CEP128: variants seen among roughly 807,000 people sequenced by gnomAD.
CEP128 encodes centrosomal protein 128, also known as centrosomal protein 128kDa.
A neutral mutation model predicts 156.7 loss-of-function variants in CEP128; 132 were observed. The observed-to-expected ratio is 0.84, with a 90% CI of 0.73 to 0.97. CEP128 has a LOEUF of 0.97. Ranked by LOEUF, CEP128 falls within the 50% of genes least tolerant of loss-of-function variation. The pLI, the probability that CEP128 is intolerant of heterozygous loss-of-function variation, is 0.00. For synonymous variants in CEP128, 469 were observed against 448.9 expected (o/e 1.04, Z -0.57); for missense variants, 1,252 against 1,281.9 (o/e 0.98, Z 0.36).
downstream of CEP128, among the ~76,000 whole-genome samples, chr14:80,486,546 C>A (rs1013326074): frequency 9.9e-5 from 15 of 151,956 alleles, 1 homozygote; most frequent in Admixed American, 9.2e-4. Flanking sequence ...TCGAGAAGAG[C>A]AACTCCAAGA....
intron 8 of CEP128, among the ~76,000 whole-genome samples, chr14:80,868,435 A>T (rs1595522240): frequency 6.6e-6 from 1 of 152,184 alleles, no homozygotes; most frequent in Non-Finnish European, 1.5e-5. Flanking sequence ...TCATCAGCTT[A>T]AAATAGATTG....
chr14:80,887,898 G>T (rs1015152484), intron 8 of CEP128, among the ~76,000 whole-genome samples: 1 of 151,954 alleles, frequency 6.6e-6, no homozygotes, highest in Non-Finnish European at 1.5e-5. Context: ...TAATAAAGAA[G>T]AAAAGAGAGA....
Position 80,784,142 on chromosome 14 carries a change from T to G in CEP128, c.2211+753A>C, listed in dbSNP as rs140562284. ...CCTATTCAATAGATATTTACAATGT[T>G]CCAAAAAACTGTTGTAGGCACTGGG... On this transcript the variant is annotated intron_variant, in intron 15 of 24. Coordinates refer to ENST00000555265, the MANE Select transcript of CEP128 (RefSeq NM_152446.5). Among the ~76,000 whole-genome samples, 135 of 152,216 alleles carry G rather than the reference T, an allele frequency of 8.9e-4. 2 individuals carry two copies. The East Asian group carries it at 0.018, about 21-fold the overall frequency.
At chr14:80,537,969 G>GT (rs1889562816) in intron 21 of CEP128, among the ~76,000 whole-genome samples, 1 of 152,080 alleles carries the variant, frequency 6.6e-6, no homozygotes, top group African/African-American at 2.4e-5. Flanking sequence ...CTAAGCTTCC[G>GT]TATCTTATTT....
In CEP128 at chr14:80,761,622, T is replaced by A. The variant is rs199812257; in HGVS notation, c.2377-9A>T. 528 of 1,570,240 alleles carry A rather than the reference T, an allele frequency of 3.4e-4. 10 individuals carry two copies. In the South Asian group the frequency reaches 6.0e-3, roughly 18 times the overall value. On this transcript the variant is annotated splice_polypyrimidine_tract_variant and intron_variant, in intron 16 of 24. Transcript: ENST00000555265. ...ATGCTTATATGTTTTTCCTAAGGCATTGAAAGAAATTAAACAAGGTGATTA... is the reference window on the plus strand; with the variant it reads ...ATGCTTATATGTTTTTCCTAAGGCAATGAAAGAAATTAAACAAGGTGATTA...
At chr14:80,628,678 T>C (rs1321442240) in intron 19 of CEP128, among the ~76,000 whole-genome samples, 1 of 152,180 alleles carries the variant, frequency 6.6e-6, no homozygotes, top group Non-Finnish European at 1.5e-5. Context: ...ACCTGGTCAA[T>C]GAGAGTAACA....
intron 23 of CEP128, among the ~76,000 whole-genome samples, chr14:80,508,171 C>T (rs1379628628): frequency 6.6e-6 from 1 of 152,150 alleles, no homozygotes; most frequent in Admixed American, 6.5e-5. Flanking sequence ...CTGCCTTGGC[C>T]CCCCAAAGTG....
intron 19 of CEP128, among the ~76,000 whole-genome samples, chr14:80,672,700 C>T (rs894501268): frequency 6.6e-6 from 1 of 152,124 alleles, no homozygotes; most frequent in Non-Finnish European, 1.5e-5. Flanking sequence ...TTGAAAATTT[C>T]TTTGACTTCT....
intron 23 of CEP128, among the ~76,000 whole-genome samples, chr14:80,509,800 A>G (rs947616514): frequency 6.6e-6 from 1 of 152,278 alleles, no homozygotes; most frequent in South Asian, 2.1e-4. Flanking sequence ...TGAATTTTAT[A>G]TATGATAAGA....
chr14:80,776,404 C>T (rs1900791069), intron 16 of CEP128, among the ~76,000 whole-genome samples: 3 of 151,214 alleles, frequency 2.0e-5, no homozygotes, highest in Non-Finnish European at 2.9e-5. Context: ...AATTTAGCAA[C>T]ATAAGCACAT....
intron 2 of CEP128, among the ~76,000 whole-genome samples, chr14:80,922,431 G>A (rs147664062): frequency 8.5e-4 from 129 of 152,144 alleles, no homozygotes; most frequent in African/African-American, 2.8e-3. Flanking sequence ...TATTATTTTC[G>A]CTGTGTAGTT....
chr14:80,543,744 C>T (rs1566769459), intron 21 of CEP128, among the ~76,000 whole-genome samples: 1 of 152,200 alleles, frequency 6.6e-6, no homozygotes, highest in Non-Finnish European at 1.5e-5. Context: ...ATTCATTCAA[C>T]TGGACAACAA....
At chr14:80,821,771 A>G (rs1297437316) in intron 13 of CEP128, among the ~76,000 whole-genome samples, 1 of 151,152 alleles carries the variant, frequency 6.6e-6, no homozygotes, top group Non-Finnish European at 1.5e-5. Context: ...GGCCTCCCAG[A>G]CTCCAGTGAT....
In CEP128 at chr14:80,647,392, T is replaced by C. The variant is rs2140831325; in HGVS notation, c.2807-66969A>G. ...GCATTCTGTTCAGTACTTCAAATAG[T>C]CTAATAATTTTTTTTCTCAGAACCT... On this transcript the variant is annotated intron_variant, in intron 19 of 24. Coordinates refer to ENST00000555265, the MANE Select transcript of CEP128 (RefSeq NM_152446.5). 2.0e-5 allele frequency among the ~76,000 whole-genome samples: 3 copies of C among 152,080 alleles called. No homozygotes were observed. In the South Asian group the frequency reaches 6.2e-4, roughly 32 times the overall value.
intron 19 of CEP128, among the ~76,000 whole-genome samples, chr14:80,655,487 C>T (rs541898763): frequency 1.3e-5 from 2 of 152,272 alleles, no homozygotes; most frequent in East Asian, 3.9e-4. Flanking sequence ...GTATAATTCT[C>T]CTACTCTCTT....
intron 19 of CEP128, among the ~76,000 whole-genome samples, chr14:80,685,906 A>G (rs960224580): frequency 2.0e-5 from 3 of 152,160 alleles, no homozygotes; most frequent in Non-Finnish European, 4.4e-5. Context: ...GCTAGGCCAT[A>G]GGCAGAATAA....
chr14:80,671,506 C>G (rs1212321476), intron 19 of CEP128, among the ~76,000 whole-genome samples: 1 of 152,160 alleles, frequency 6.6e-6, no homozygotes, highest in Non-Finnish European at 1.5e-5. Flanking sequence ...ATTCTCAAAC[C>G]TTGTCTCATA....
intron 21 of CEP128, among the ~76,000 whole-genome samples, chr14:80,555,670 A>G (rs1212698313): frequency 6.6e-6 from 1 of 152,084 alleles, no homozygotes; most frequent in Non-Finnish European, 1.5e-5. Flanking sequence ...GACTTCGATA[A>G]CATCTCCAAT....
chr14:80,874,129 A>G (rs1888162632), intron 8 of CEP128, among the ~76,000 whole-genome samples: 1 of 152,198 alleles, frequency 6.6e-6, no homozygotes, highest in Non-Finnish European at 1.5e-5. Flanking sequence ...AAGAAGCCTC[A>G]GGCAACAGTT....
Sources: allele counts gnomAD v4.1 joint callset (sites outside exome capture counted in the v4.1 genomes callset), GRCh38; gene constraint gnomAD v4.1.1; transcripts MANE v1.5; gene names NCBI Gene and HGNC (gene_info 2026-07-23, HGNC 2026-07-21).